Variants in IMMP2L observed in about 807,000 individuals in gnomAD.
IMMP2L encodes mitochondrial inner membrane protease subunit 2.
A neutral mutation model predicts 19.3 loss-of-function variants in IMMP2L; 18 were observed. The ratio of observed to expected loss-of-function variants is 0.93; its 90% CI spans 0.64 to 1.38. IMMP2L has a LOEUF of 1.38. Ranked by LOEUF, IMMP2L falls within the 40% of genes most tolerant of loss-of-function variation. IMMP2L has a pLI of 0.00. For synonymous variants in IMMP2L, 76 were observed against 73.0 expected, an observed-to-expected ratio of 1.04 and a Z score of -0.21; for missense variants, 233 against 218.2, an observed-to-expected ratio of 1.07 and a Z score of -0.43.
At chr7:110,865,407 C>T (rs1031031325) in intron 5 of IMMP2L, among the ~76,000 whole-genome samples, 28 of 152,028 alleles carry the variant, frequency 1.8e-4, no homozygotes, top group Non-Finnish European at 8.8e-5. Flanking sequence ...GCCTTCATTT[C>T]GCTCTTACCA....
intron 3 of IMMP2L, among the ~76,000 whole-genome samples, chr7:111,140,196 G>A (rs545688932): frequency 6.6e-6 from 1 of 152,082 alleles, no homozygotes; most frequent in African/African-American, 2.4e-5. Flanking sequence ...ACTCAGGGGG[G>A]ATTTCAGAGG....
Position 111,393,866 on chromosome 7 carries a change from C to T in IMMP2L, c.239+93372G>A, listed in dbSNP as rs549092376. 2.0e-5 allele frequency among the ~76,000 whole-genome samples: 3 copies of T among 152,198 alleles called. No homozygotes were observed. The South Asian group carries it at 6.2e-4, about 32-fold the overall frequency. On this transcript the variant is annotated intron_variant, in intron 3 of 5. Transcript: ENST00000405709. The stretch of plus-strand genomic sequence containing the variant: ...TGCTCACATAAGTGGGTTTTATGTA[C>T]GTGTGTTTTTTTCCACAAAGGAGAG...
chr7:110,757,066 A>C lies in IMMP2L; in HGVS notation c.409-93345T>G, dbSNP rs1175390779. Among the ~76,000 whole-genome samples, 2 of 152,082 alleles carry C rather than the reference A, an allele frequency of 1.3e-5. No homozygotes were observed. Among genetic ancestry groups the C allele is most frequent in the Non-Finnish European group, 2.9e-5 (2 of 68,014 alleles). On this transcript the variant is annotated intron_variant, in intron 5 of 5. Transcript: ENST00000405709. This position sits in a 1 kb window ranked among gnomAD's most constrained non-coding sequence, Gnocchi z 4.2. ...TGAAATTCCTGCCCTGGGGAGCTTA[A>C]ATTCAAGTGGGTCAGATAAATAACA...
At chr7:110,681,078 G>A (rs2130444039) in intron 5 of IMMP2L, among the ~76,000 whole-genome samples, 1 of 151,932 alleles carries the variant, frequency 6.6e-6, no homozygotes, top group Admixed American at 6.6e-5. Context: ...AAAACAAAGT[G>A]AGAATGGGTT....
chr7:111,243,417 C>T (rs1274016775), intron 3 of IMMP2L, among the ~76,000 whole-genome samples: 1 of 151,736 alleles, frequency 6.6e-6, no homozygotes, highest in Admixed American at 6.6e-5. Flanking sequence ...GTAATTTCCA[C>T]AATAGGTTTT....
chr7:111,493,378 T>C (rs1585337377), intron 2 of IMMP2L, among the ~76,000 whole-genome samples: 1 of 152,138 alleles, frequency 6.6e-6, no homozygotes, highest in South Asian at 2.1e-4. Context: ...CAGTTTTCTG[T>C]ACTTCACTAA....
chr7:111,195,678 CTA>C (rs1460315891), intron 3 of IMMP2L, among the ~76,000 whole-genome samples: 1 of 4,564 alleles, frequency 2.2e-4, no homozygotes, highest in Non-Finnish European at 4.1e-4. Flanking sequence ...ATTGACTACC[CTA>C]TGAGTTCCTT....
chr7:110,666,833 A>G (rs1195910686), intron 5 of IMMP2L, among the ~76,000 whole-genome samples: 1 of 152,188 alleles, frequency 6.6e-6, no homozygotes, highest in Non-Finnish European at 1.5e-5. Flanking sequence ...ATTACCAACA[A>G]TAAATCTGCT....
chr7:110,872,917 A>C (rs528163869), intron 5 of IMMP2L, among the ~76,000 whole-genome samples: 1 of 152,288 alleles, frequency 6.6e-6, no homozygotes, highest in South Asian at 2.1e-4. Context: ...TGGAAGCAAC[A>C]GGTATCTGGT....
chr7:111,378,936 T>C (rs898005101), intron 3 of IMMP2L, among the ~76,000 whole-genome samples: 1 of 151,808 alleles, frequency 6.6e-6, no homozygotes, highest in African/African-American at 2.4e-5. Context: ...GAAACAGGTA[T>C]ACAATTCCAT....
At chr7:111,221,586 G>A (rs1812523593) in intron 3 of IMMP2L, among the ~76,000 whole-genome samples, 1 of 151,940 alleles carries the variant, frequency 6.6e-6, no homozygotes, top group Admixed American at 6.6e-5. Context: ...AGGGGAAAAT[G>A]TGTATAATCA....
intron 3 of IMMP2L, among the ~76,000 whole-genome samples, chr7:111,437,779 C>G (rs1280644577): frequency 6.6e-6 from 1 of 151,708 alleles, no homozygotes; most frequent in Non-Finnish European, 1.5e-5. Context: ...ATTTTTTTAT[C>G]TTGTTCAAAA....
chr7:111,040,339 G>T (rs1263580613), intron 3 of IMMP2L, among the ~76,000 whole-genome samples: 5 of 152,074 alleles, frequency 3.3e-5, no homozygotes, highest in Admixed American at 6.5e-5. Context: ...TTTACAGGTG[G>T]ACAAATGTTA....
chr7:111,411,540 T>A, intron 3 of IMMP2L: 1 of 383,284 alleles, frequency 2.6e-6, no homozygotes, highest in East Asian at 7.0e-5. Flanking sequence ...TCCAGAGGTA[T>A]CTACAAGACC....
intron 4 of IMMP2L, chr7:110,963,069 C>A: frequency 1.3e-6 from 2 of 1,525,922 alleles, no homozygotes; most frequent in Non-Finnish European, 1.8e-6. Flanking sequence ...TGTTTCATAT[C>A]CTTTTCAGTT....
intron 3 of IMMP2L, among the ~76,000 whole-genome samples, chr7:111,383,706 C>A (rs1166900829): frequency 6.6e-6 from 1 of 152,010 alleles, no homozygotes; most frequent in East Asian, 1.9e-4. Context: ...TAATCAAAAT[C>A]TCACCTTGAA....
chr7:111,384,325 G>C lies in IMMP2L; in HGVS notation c.239+102913C>G, dbSNP rs1831522161. Among the ~76,000 whole-genome samples the C allele has an allele frequency of 2.0e-5, 3 of 151,582 alleles. 1 individual carries two copies. In the South Asian group the frequency reaches 6.3e-4, roughly 32 times the overall value. ...GGAGGAGGAGGGAAAAGGAGAAGGA[G>C]GAGGGAGGAGGAGGATGAGGAAGAG... On this transcript the variant is annotated intron_variant, in intron 3 of 5. Coordinates refer to ENST00000405709, the MANE Select transcript of IMMP2L (RefSeq NM_032549.4).
chr7:110,954,581 A>G (rs2129554571), intron 4 of IMMP2L, among the ~76,000 whole-genome samples: 1 of 152,162 alleles, frequency 6.6e-6, no homozygotes, highest in Admixed American at 6.6e-5. Flanking sequence ...ATTCTCAAGA[A>G]AGCACCGTGG....
intron 3 of IMMP2L, among the ~76,000 whole-genome samples, chr7:111,079,325 G>A (rs1795687204): frequency 6.6e-6 from 1 of 151,582 alleles, no homozygotes; most frequent in Non-Finnish European, 1.5e-5. Flanking sequence ...CACCGTTTTA[G>A]CCGGGATGGT....
Sources: gnomAD v4.1 joint callset for allele counts (sites outside exome capture counted in the v4.1 genomes callset) on GRCh38, gnomAD v4.1.1 for gene constraint, Gnocchi (gnomAD v3.1) non-coding constraint, MANE v1.5 for transcripts, NCBI Gene and HGNC (gene_info 2026-07-23, HGNC 2026-07-21) for gene names.